The following FNIP2 variants were observed in gnomAD, a reference collection of about 807,000 sequenced individuals.
FNIP2 encodes the protein folliculin-interacting protein 2.
FNIP2 carries 32 observed loss-of-function variants against 108.7 expected under a neutral mutation model. The ratio of observed to expected loss-of-function variants is 0.29; its 90% confidence interval spans 0.22 to 0.40. The LOEUF (loss-of-function observed/expected upper bound fraction) is 0.40. Ranked by LOEUF, FNIP2 falls within the 10% of genes least tolerant of loss-of-function variation. The pLI is 1.00. For synonymous variants in FNIP2, 480 were observed against 496.7 expected (o/e 0.97, Z 0.45); for missense variants, 1,202 against 1,381.6 (o/e 0.87, Z 2.06).
In FNIP2 at chr4:158,829,060, C is replaced by T. The variant is rs1258661336; in HGVS notation, c.235-19C>T. The T allele has an allele frequency of 6.4e-7, 1 of 1,573,810 alleles. No individual in the cohort carries two copies. Among genetic ancestry groups the T allele is most frequent in the Non-Finnish European group, 8.6e-7 (1 of 1,157,022 alleles). ...ATATACTTAGTAATCTTTTACCTTG[C>T]CTGTCTCTCTTAACCTAGAAAACAG... On this transcript the variant is annotated intron_variant, in intron 2 of 16. Coordinates refer to ENST00000264433, the MANE Select transcript of FNIP2 (RefSeq NM_020840.3).
At chr4:158,815,015 G>A (rs936709590) in intron 1 of FNIP2, among the ~76,000 whole-genome samples, 4 of 152,192 alleles carry the variant, frequency 2.6e-5, no homozygotes, top group African/African-American at 9.6e-5. Context: ...ACAGTCACAC[G>A]GCTTAATATT....
At chr4:158,854,474 G>A (rs959818007) in intron 8 of FNIP2, among the ~76,000 whole-genome samples, 1 of 152,230 alleles carries the variant, frequency 6.6e-6, no homozygotes, top group Non-Finnish European at 1.5e-5. Flanking sequence ...ATGGGTATGT[G>A]CCTGACTGCC....
rs569162305 is a variant in FNIP2, at chr4:158,800,858, T to C, written c.108-25058T>C. Among the ~76,000 whole-genome samples, 81 of 152,288 alleles carry C rather than the reference T, an allele frequency of 5.3e-4. No homozygotes were observed. The South Asian group carries it at 0.015, about 28-fold the overall frequency. Reference sequence around the variant, plus strand: ...AGATTTTATGAAGATGTGCCACTCATTCATTGATTCTTTCAGTTACTGGGT... The same window carrying C: ...AGATTTTATGAAGATGTGCCACTCACTCATTGATTCTTTCAGTTACTGGGT... On this transcript the variant is annotated intron_variant, in intron 1 of 16. Coordinates refer to ENST00000264433, the MANE Select transcript of FNIP2 (RefSeq NM_020840.3).
intron 14 of FNIP2, chr4:158,872,023 G>A: frequency 1.0e-6 from 1 of 982,544 alleles, no homozygotes; most frequent in Non-Finnish European, 1.2e-6. Flanking sequence ...TTTCTGCTCT[G>A]CTATCATTTT....
chr4:158,777,798 G>T (rs917724092), intron 1 of FNIP2, among the ~76,000 whole-genome samples: 1 of 152,124 alleles, frequency 6.6e-6, no homozygotes, highest in Non-Finnish European at 1.5e-5. Flanking sequence ...CTGAGAAATT[G>T]CTTATACATG....
chr4:158,784,313 T>G (rs1039577247), intron 1 of FNIP2, among the ~76,000 whole-genome samples: 5 of 152,216 alleles, frequency 3.3e-5, no homozygotes, highest in South Asian at 2.1e-4. Context: ...CCACCTCTGA[T>G]TATCTTTGCT....
chr4:158,769,898 T>C (rs995714139), intron 1 of FNIP2, among the ~76,000 whole-genome samples: 1 of 152,236 alleles, frequency 6.6e-6, no homozygotes, highest in Admixed American at 6.5e-5. Context: ...GATGCAATTA[T>C]GAAATTTCCG....
chr4:158,844,140 T>C (rs148679069), intron 7 of FNIP2, among the ~76,000 whole-genome samples: 88 of 152,348 alleles, frequency 5.8e-4, no homozygotes, highest in African/African-American at 2.0e-3. Context: ...TTGAAGACTT[T>C]TGTTTGTTCT....
At chr4:158,823,528 G>A (rs527526561) in intron 1 of FNIP2, among the ~76,000 whole-genome samples, 2 of 152,182 alleles carry the variant, frequency 1.3e-5, no homozygotes, top group East Asian at 1.9e-4. Flanking sequence ...TGCCTGCCTC[G>A]GCCTTGTGTA....
At chr4:158,872,596 A>G (rs1304760460) in intron 14 of FNIP2, 1 of 985,260 alleles carries the variant, frequency 1.0e-6, no homozygotes, top group Non-Finnish European at 1.2e-6. Flanking sequence ...TCATAAAAAT[A>G]TCTTCAGAAG....
At position 158,833,611 on chromosome 4, in the gene FNIP2, G is replaced by T. The variant is rs771840266; in HGVS notation, c.638G>T (p.Arg213Leu). The change falls in exon 6 of 17, where the codon CGT becomes CTT. Residue 213 changes from arginine (R) to leucine (L), a missense_variant. Physicochemically the swap from Arg to Leu is moderately radical, Grantham distance 102. This residue lies in a region of FNIP2 where 878 missense variants were observed against 990.3 expected (regional missense o/e 0.89). Transcript: ENST00000264433. ...AATCAAAATAGTTTGGGTCCTTGTC[G>T]TACTGGAAGTAACCTAGGTAAAATC... ...NTNQNSLGPC[R>L]TGSNLAHSTP... 2 of 1,612,120 alleles carry T rather than the reference G, an allele frequency of 1.2e-6. No individual in the cohort carries two copies. Among genetic ancestry groups the T allele is most frequent in the Non-Finnish European group, 1.7e-6 (2 of 1,178,584 alleles).
Position 158,832,072 on chromosome 4 carries a change from C to T in FNIP2, c.488C>T (p.Pro163Leu). The change falls in exon 5 of 17, where the codon CCT becomes CTT. Residue 163 changes from proline to leucine, a missense_variant. Physicochemically the swap from Pro to Leu is moderately conservative, Grantham distance 98. Transcript: ENST00000264433. ...STLKIHYIRS[P>L]PQLMISKVFS... ...TCCTTTTTTCCCCTCCACAGTTCTC[C>T]TCCACAACTGATGATTAGTAAAGTC... 1 of 1,613,652 alleles carries T rather than the reference C, an allele frequency of 6.2e-7. No individual in the cohort carries two copies. Among genetic ancestry groups the T allele is most frequent in the South Asian group, 1.1e-5 (1 of 91,050 alleles).
chr4:158,805,863 C>A (rs984489365), intron 1 of FNIP2, among the ~76,000 whole-genome samples: 3 of 152,196 alleles, frequency 2.0e-5, no homozygotes, highest in African/African-American at 7.2e-5. Context: ...TCAGTCCAAG[C>A]TGCTCAACCT....
chr4:158,814,605 G>A (rs1777461563), intron 1 of FNIP2, among the ~76,000 whole-genome samples: 1 of 152,146 alleles, frequency 6.6e-6, no homozygotes, highest in Admixed American at 6.5e-5. Context: ...TACACCACTA[G>A]AACAGCAATC....
rs1560852344 is a variant in FNIP2, at chr4:158,904,623, G to A, written c.*79G>A. The A allele has an allele frequency of 8.1e-7, 1 of 1,240,468 alleles. No individual in the cohort carries two copies. The highest frequency in any genetic ancestry group is 2.3e-5 in the East Asian group (1 of 42,986). The allele number at this position is 1,240,468 out of a possible 1,614,324, so 76.8% of individuals were successfully genotyped here. A position where few individuals can be genotyped will look rare whatever the true frequency, so the allele number is the denominator to read the frequency against. ...AAGGAGAAAGGAATAAGCTCTCTGT[G>A]ATGTCAAAAGCATGAGAAGAGCAAA... On this transcript the variant is annotated 3_prime_UTR_variant, in exon 17 of 17. Coordinates refer to ENST00000264433, the MANE Select transcript of FNIP2 (RefSeq NM_020840.3).
intron 3 of FNIP2, among the ~76,000 whole-genome samples, chr4:158,829,485 C>T (rs1778343348): frequency 6.6e-6 from 1 of 152,062 alleles, no homozygotes; most frequent in African/African-American, 2.4e-5. Flanking sequence ...AGGTAAATTA[C>T]CTTGCTTTGT....
intron 2 of FNIP2, among the ~76,000 whole-genome samples, chr4:158,827,569 A>G (rs977635429): frequency 3.3e-5 from 5 of 152,190 alleles, no homozygotes; most frequent in Non-Finnish European, 7.3e-5. Flanking sequence ...CTCCAATTAT[A>G]GACTGTTCAG....
chr4:158,859,010 T>C (rs370649533), intron 8 of FNIP2, 47 bp from the exon 9 acceptor site: 16 of 1,492,776 alleles, frequency 1.1e-5, no homozygotes, highest in Non-Finnish European at 1.5e-5. Context: ...ACCTTCAGTG[T>C]GACTCACTGA....
rs576094545 is a variant in FNIP2 at position 158,816,557 on chromosome 4, C to T, written c.108-9359C>T. 2.0e-4 allele frequency among the ~76,000 whole-genome samples: 30 copies of T among 152,148 alleles called. 1 individual carries two copies. Among genetic ancestry groups the T allele is most frequent in the Admixed American group, 1.6e-3 (24 of 15,268 alleles). ...CAACACTTTGGGAGGCCAAAGCAGG[C>T]GGATCAGTTGAAGTCAGGAGTTCGA... On this transcript the variant is annotated intron_variant, in intron 1 of 16. Transcript: ENST00000264433.
Sources: allele counts gnomAD v4.1 joint callset (sites outside exome capture counted in the v4.1 genomes callset), GRCh38; gene constraint gnomAD v4.1.1; regional missense constraint gnomAD v4.1.1; transcripts MANE v1.5; gene names NCBI Gene and HGNC (gene_info 2026-07-23, HGNC 2026-07-21).